The following RNF213 variants were observed in gnomAD, a reference collection of about 807,000 sequenced individuals.
The protein encoded by RNF213 is E3 ubiquitin-protein ligase RNF213.
RNF213 carries 341 observed loss-of-function variants against 514.4 expected under a neutral mutation model. The ratio of observed to expected loss-of-function variants is 0.66; its 90% CI spans 0.61 to 0.73. The LOEUF is 0.73. Ranked by LOEUF, RNF213 falls within the 30% of genes least tolerant of loss-of-function variation. RNF213 has a pLI of 0.00. For synonymous variants in RNF213, 2,655 were observed against 2,658.2 expected (o/e 1.00, Z 0.04); for missense variants, 5,767 against 6,615.6 (o/e 0.87, Z 4.45).
Position 80,340,374 on chromosome 17 carries a change from G to A in RNF213, c.5989+18G>A. The A allele has an allele frequency of 6.3e-7, 1 of 1,597,830 alleles. No homozygotes were observed. The highest frequency in any genetic ancestry group is 2.3e-5 in the East Asian group (1 of 44,344). On this transcript the variant is annotated intron_variant, in intron 26 of 67. Transcript: ENST00000582970. ...AGGTGTTGGTAAGGAGAGCGGCAGG[G>A]TGGGCAGGCCCCGTCTCCCAGGGAC...
Position 80,390,077 on chromosome 17 carries a change from C to G in RNF213, c.15351C>G (p.Leu5117=), listed in dbSNP as rs773805669. The G allele has an allele frequency of 8.7e-6, 14 of 1,614,108 alleles. No homozygotes were observed. Among genetic ancestry groups the G allele is most frequent in the African/African-American group, 1.3e-5 (1 of 74,944 alleles). ...ADLSPENAKL[L]STFLNQTGLD... ...TGAGCCCGGAAAATGCTAAGCTCCT[C>G]AGCACATTCCTAAATCAGACTGGCC... Residue 5117 remains leucine (L), a synonymous_variant, in exon 67 of 68, where the codon CTC becomes CTG. Transcript: ENST00000582970.
intron 3 of RNF213, among the ~76,000 whole-genome samples, chr17:80,276,063 T>G (rs981123690): frequency 1.4e-5 from 2 of 144,690 alleles, no homozygotes; most frequent in Non-Finnish European, 3.0e-5. Context: ...AACATAGACT[T>G]TATTTATTTA....
At chr17:80,338,096 T>A in intron 25 of RNF213, 99 bp downstream of exon 25, 1 of 1,413,712 alleles carries the variant, frequency 7.1e-7, no homozygotes, top group Non-Finnish European at 9.6e-7. Context: ...GACTTGGGAT[T>A]TGACTGATAA....
intron 3 of RNF213, among the ~76,000 whole-genome samples, chr17:80,282,554 A>G (rs1437570080): frequency 1.3e-5 from 2 of 151,512 alleles, no homozygotes; most frequent in African/African-American, 2.4e-5. Flanking sequence ...GCCCACCACC[A>G]CGCCCAGCCA....
chr17:80,361,528 A>C (rs2079054668), intron 38 of RNF213, among the ~76,000 whole-genome samples: 1 of 152,200 alleles, frequency 6.6e-6, no homozygotes, highest in Admixed American at 6.5e-5. Context: ...CATCTCCAAA[A>C]AAAAGGAAAA....
At chr17:80,372,053 A>G in intron 47 of RNF213, 68 bp downstream of exon 47, 1 of 893,828 alleles carries the variant, frequency 1.1e-6, no homozygotes, top group Non-Finnish European at 1.9e-6. Context: ...TAAAATTTAC[A>G]GAATATAATT....
In RNF213 at chr17:80,295,756, C is replaced by G; in HGVS notation, c.1955C>G (p.Ala652Gly). The change falls in exon 10 of 68, where the codon GCC (alanine) becomes GGC (glycine). Residue 652 changes from alanine to glycine, a missense_variant. Transcript: ENST00000582970. ...TTGTGTCACCTCCTAACCTCAGATG[C>G]CAGCTCACCAGATGAGTTTCACCGT... ...DWLCHLLTSD[A>G]SSPDEFHRDL... 6.2e-7 allele frequency: 1 copy of G among 1,614,142 alleles called. No homozygotes were observed. The highest frequency in any genetic ancestry group is 1.1e-5 in the South Asian group (1 of 91,082).
rs1282714198 is a variant in RNF213, at chr17:80,382,971, T to C, written c.13979-8T>C. 1.9e-6 allele frequency: 3 copies of C among 1,606,664 alleles called. No individual in the cohort carries two copies. The highest frequency in any genetic ancestry group is 1.7e-5 in the Admixed American group (1 of 60,014). On this transcript the variant is annotated splice_polypyrimidine_tract_variant and splice_region_variant and intron_variant, in intron 57 of 67. Coordinates refer to ENST00000582970, the MANE Select transcript of RNF213 (RefSeq NM_001256071.3). ...TGGGTAACCTACACATTTGGAGTTT[T>C]TTTGTAGGGCTTTTAAATTTTGACA...
At chr17:80,383,219 G>A (rs868848727) in intron 58 of RNF213, 149 bp downstream of exon 58, 6 of 687,690 alleles carry the variant, frequency 8.7e-6, no homozygotes, top group Non-Finnish European at 1.3e-5. Context: ...TCCCCACCTC[G>A]AGTCACTCCA....
At position 80,343,796 on chromosome 17, in the gene RNF213, T is replaced by TA; in HGVS notation, c.6184-60dup. 6.4e-7 allele frequency: 1 copy of TA among 1,568,902 alleles called. No homozygotes were observed. Among genetic ancestry groups the TA allele is most frequent in the African/African-American group, 1.3e-5 (1 of 74,106 alleles). On this transcript the variant is annotated intron_variant, in intron 27 of 67. Coordinates refer to ENST00000582970, the MANE Select transcript of RNF213 (RefSeq NM_001256071.3). This position sits in a 1 kb window ranked among gnomAD's most constrained non-coding sequence, Gnocchi z 4.3. The stretch of plus-strand genomic sequence containing the variant: ...AAGAGCAAAATAAGGAGGGGTTACT[T>TA]AGAGTTGGGAGAACTCGCCATCGTG...
intron 23 of RNF213, 191 bp downstream of exon 23, chr17:80,336,569 A>G (rs2077992940): frequency 1.5e-6 from 1 of 679,292 alleles, no homozygotes; most frequent in Non-Finnish European, 2.7e-6. Context: ...GCAGGATACA[A>G]AATTACATGA....
At chr17:80,269,763 C>T (rs542407858) in intron 2 of RNF213, among the ~76,000 whole-genome samples, 34 of 146,290 alleles carry the variant, frequency 2.3e-4, no homozygotes, top group African/African-American at 3.2e-4. Context: ...TCTATCCATC[C>T]GTCCATCCAT....
Position 80,332,322 on chromosome 17 carries a change from G to GT in RNF213, c.3835dup (p.Tyr1279LeufsTer10). 6.5e-7 allele frequency: 1 copy of GT among 1,537,234 alleles called. No individual in the cohort carries two copies. Reference sequence around the variant, plus strand: ...AGCTTGAAGAGGTGTATGACTATTTGTATCAGCCTTCTTACAGAAAGTTCA... The same window carrying GT: ...AGCTTGAAGAGGTGTATGACTATTTGTTATCAGCCTTCTTACAGAAAGTTCA... On this transcript the variant is annotated frameshift_variant, in exon 21 of 68. Transcript: ENST00000582970. LOFTEE classifies it high-confidence loss of function.
chr17:80,300,644 C>G (rs962887803), intron 11 of RNF213, among the ~76,000 whole-genome samples: 3 of 152,118 alleles, frequency 2.0e-5, no homozygotes, highest in Non-Finnish European at 4.4e-5. Context: ...ACCTCTGCCT[C>G]CCAGGTTCAA....
chr17:80,279,006 C>T, intron 3 of RNF213: 3 of 1,483,312 alleles, frequency 2.0e-6, no homozygotes, highest in Admixed American at 4.0e-5. Flanking sequence ...CCCTTGAGTC[C>T]CTGCCAGTCG....
At chr17:80,299,978 T>G (rs2045114983) in intron 11 of RNF213, among the ~76,000 whole-genome samples, 1 of 152,156 alleles carries the variant, frequency 6.6e-6, no homozygotes, top group Non-Finnish European at 1.5e-5. Context: ...GGGCATTGAG[T>G]TTGATTCCAT....
chr17:80,373,062 T>C lies in RNF213; in HGVS notation c.12839T>C (p.Val4280Ala), dbSNP rs758175471. 4 of 1,613,990 alleles carry C rather than the reference T, an allele frequency of 2.5e-6. No homozygotes were observed. Among genetic ancestry groups the C allele is most frequent in the Non-Finnish European group, 2.5e-6 (3 of 1,180,000 alleles). ...VENDWHRVYL[V>A]RKLSSQRGME... ...AACGACTGGCACCGGGTGTACCTGG[T>C]GCGGAAGCTCAGCAGCCAGCGGGGG... is the stretch of plus-strand genomic sequence containing the variant. Residue 4280 changes from valine to alanine, a missense_variant, in exon 49 of 68, where the codon GTG becomes GCG. Physicochemically the swap from Val to Ala is moderately conservative, Grantham distance 64 (BLOSUM62 0). Coordinates refer to ENST00000582970, the MANE Select transcript of RNF213 (RefSeq NM_001256071.3).
intron 55 of RNF213, 153 bp downstream of exon 55, chr17:80,379,867 C>G (rs569708056): frequency 2.8e-6 from 2 of 702,068 alleles, no homozygotes; most frequent in Non-Finnish European, 2.6e-6. Context: ...AAAGTCCCAG[C>G]AGTCACACAG....
Position 80,319,196 on chromosome 17 carries a change from C to T in RNF213, c.2908C>T (p.Pro970Ser), listed in dbSNP as rs1213862365. 2 of 1,614,076 alleles carry T rather than the reference C, an allele frequency of 1.2e-6. No individual in the cohort carries two copies. The highest frequency in any genetic ancestry group is 2.7e-5 in the African/African-American group (2 of 74,924). Residue 970 changes from proline to serine, a missense_variant, in exon 17 of 68, where the codon CCC becomes TCC. Around this residue, in one of 13 missense-constraint regions of RNF213, gnomAD observed 516 missense variants for 566.5 expected, o/e 0.91. Coordinates refer to ENST00000582970, the MANE Select transcript of RNF213 (RefSeq NM_001256071.3). ...DMEWRLTKEE[P>S]LSQITAYCNS... ...CCCCCTTTGATTTTTGCAGGAGGAACCCCTCTCCCAGATCACTGCCTACTG... is the reference window on the plus strand; with the variant it reads ...CCCCCTTTGATTTTTGCAGGAGGAATCCCTCTCCCAGATCACTGCCTACTG...
Sources: gnomAD v4.1 joint callset for allele counts (sites outside exome capture counted in the v4.1 genomes callset) on GRCh38, gnomAD v4.1.1 for gene constraint, gnomAD v4.1.1 regional missense constraint, Gnocchi (gnomAD v3.1) non-coding constraint, MANE v1.5 for transcripts, NCBI Gene and HGNC (gene_info 2026-07-23, HGNC 2026-07-21) for gene names.